CADM2: variants seen among roughly 807,000 people sequenced by gnomAD.
The protein encoded by CADM2 is cell adhesion molecule 2.
Under a neutral mutation model 49.8 loss-of-function variants are expected in CADM2, and 12 were observed. The ratio of observed to expected loss-of-function variants is 0.24; its 90% CI spans 0.15 to 0.39. The LOEUF is 0.39. Among genes scored for constraint, CADM2 ranks in the 10% least tolerant of loss-of-function variants. The probability of loss-of-function intolerance (pLI) is 1.00; values close to 1 mark genes in which losing one functional copy is unlikely to be tolerated. For synonymous variants in CADM2, 214 were observed against 175.4 expected (o/e 1.22, Z -1.74); for missense variants, 378 against 492.3 (o/e 0.77, Z 2.20).
At chr3:85,413,718 A>G (rs1323423313) in intron 1 of CADM2, among the ~76,000 whole-genome samples, 1 of 152,166 alleles carries the variant, frequency 6.6e-6, no homozygotes, top group Non-Finnish European at 1.5e-5. Context: ...CTCACGATCC[A>G]ATCACCTTCC....
At chr3:85,528,824 C>T (rs1164181471) in intron 1 of CADM2, among the ~76,000 whole-genome samples, 1 of 152,088 alleles carries the variant, frequency 6.6e-6, no homozygotes, top group Non-Finnish European at 1.5e-5. Context: ...CTTTCTTATC[C>T]AAAATCTTCT....
rs79877644 is a variant in CADM2 at position 85,740,948 on chromosome 3, C to A, written c.88+14400C>A. Among the ~76,000 whole-genome samples, 44 of 152,252 alleles carry A rather than the reference C, an allele frequency of 2.9e-4. 2 individuals are homozygous for A. The East Asian group carries it at 8.5e-3, about 29-fold the overall frequency. On this transcript the variant is annotated intron_variant, in intron 2 of 9. Transcript: ENST00000383699. Reference sequence around the variant, plus strand: ...TCTAGCAGCTTTATCCAGAATAGTCCAAATAAGCCTAGGTAATCCTAGTTC... The same window carrying A: ...TCTAGCAGCTTTATCCAGAATAGTCAAAATAAGCCTAGGTAATCCTAGTTC...
At chr3:85,590,603 GT>G (rs1157009924) in intron 1 of CADM2, among the ~76,000 whole-genome samples, 1 of 151,892 alleles carries the variant, frequency 6.6e-6, no homozygotes, top group African/African-American at 2.4e-5. Context: ...GAGAATGAAT[GT>G]TTTTGAACTG....
intron 5 of CADM2, among the ~76,000 whole-genome samples, chr3:85,902,954 A>G (rs1716317439): frequency 6.6e-6 from 1 of 151,928 alleles, no homozygotes; most frequent in African/African-American, 2.4e-5. Flanking sequence ...TCTTTAATAA[A>G]GCTGAGAAAA....
chr3:86,062,314 A>AT (rs1738756493), intron 8 of CADM2, among the ~76,000 whole-genome samples: 1 of 152,164 alleles, frequency 6.6e-6, no homozygotes, highest in Admixed American at 6.6e-5. Context: ...TGACAGGTTT[A>AT]TTTTTTCCTC....
At chr3:85,847,629 C>T (rs539496453) in intron 3 of CADM2, among the ~76,000 whole-genome samples, 91 of 152,102 alleles carry the variant, frequency 6.0e-4, no homozygotes, top group African/African-American at 2.1e-3. Context: ...CTTTAGAGTA[C>T]CTATTAGCAC....
At chr3:85,622,335 T>G (rs2064000870) in intron 1 of CADM2, among the ~76,000 whole-genome samples, 1 of 152,188 alleles carries the variant, frequency 6.6e-6, no homozygotes, top group Non-Finnish European at 1.5e-5. Context: ...AATCCTGTTT[T>G]CTACACTACA....
chr3:85,568,469 C>CTTTCTTTCTCTT lies in CADM2; in HGVS notation c.62-158052_62-158051insTTCTTTCTCTTT, dbSNP rs374134738. Among the ~76,000 whole-genome samples the CTTTCTTTCTCTT allele has an allele frequency of 2.3e-3, 26 of 11,142 alleles. 1 individual carries two copies. Among genetic ancestry groups the CTTTCTTTCTCTT allele is most frequent in the Admixed American group, 3.4e-3 (3 of 894 alleles). The allele number at this position is 11,142 out of a possible 152,430, so 7.3% of individuals were successfully genotyped here. On this transcript the variant is annotated intron_variant, in intron 1 of 9. Coordinates refer to ENST00000383699, the MANE Select transcript of CADM2 (RefSeq NM_001167675.2). ...TTTCTTTCTTTCTTTCTTTCTCTTT[C>CTTTCTTTCTCTT]TCTCTCTTTCTTTCTTTCTTTCTTT...
intron 8 of CADM2, among the ~76,000 whole-genome samples, chr3:85,981,635 G>T (rs183721005): frequency 6.6e-6 from 1 of 151,686 alleles, no homozygotes; most frequent in East Asian, 1.9e-4. Flanking sequence ...ACATTAATTT[G>T]CTTAGAATAA....
chr3:85,949,705 T>G (rs1723178890), intron 7 of CADM2, among the ~76,000 whole-genome samples: 1 of 151,222 alleles, frequency 6.6e-6, no homozygotes, highest in African/African-American at 2.4e-5. Context: ...TTTACTATTA[T>G]TTTCTGAAGA....
At chr3:85,271,570 T>C (rs909312571) in intron 1 of CADM2, among the ~76,000 whole-genome samples, 1 of 151,190 alleles carries the variant, frequency 6.6e-6, no homozygotes, top group Non-Finnish European at 1.5e-5. Context: ...AAGGTCATGA[T>C]GCTTTATAAT....
intron 1 of CADM2, among the ~76,000 whole-genome samples, chr3:85,342,649 CCTT>C (rs67033670): frequency 0.26 from 39,750 of 151,814 alleles, 5,715 homozygotes; most frequent in Non-Finnish European, 0.32. Flanking sequence ...CTTTGACCCT[CCTT>C]GTGTTTGGAC....
At chr3:85,961,447 C>T in intron 7 of CADM2, 22 bp from the exon 8 acceptor site, 1 of 1,542,322 alleles carries the variant, frequency 6.5e-7, no homozygotes. Context: ...TTGCTATCTA[C>T]ATGCATGTTT....
chr3:85,415,818 G>A (rs2035896123), intron 1 of CADM2, among the ~76,000 whole-genome samples: 1 of 152,110 alleles, frequency 6.6e-6, no homozygotes, highest in Admixed American at 6.5e-5. Flanking sequence ...TTGTAAGGGA[G>A]AGTTGTGTTG....
At chr3:84,990,651 A>C (rs1289862985) in intron 1 of CADM2, among the ~76,000 whole-genome samples, 1 of 152,064 alleles carries the variant, frequency 6.6e-6, no homozygotes, top group Non-Finnish European at 1.5e-5. Context: ...GTATGTATTC[A>C]ATGAAAACGA....
Position 85,962,982 on chromosome 3 carries a change from G to A in CADM2, c.970+1335G>A, listed in dbSNP as rs187152668. ...ATACCTTTCCAAAAAGAAATTTGGGGGTCTAGTATATTTCTTTGTAAAGAG... is the reference window on the plus strand; with the variant it reads ...ATACCTTTCCAAAAAGAAATTTGGGAGTCTAGTATATTTCTTTGTAAAGAG... On this transcript the variant is annotated intron_variant, in intron 8 of 9. Coordinates refer to ENST00000383699, the MANE Select transcript of CADM2 (RefSeq NM_001167675.2). Among the ~76,000 whole-genome samples the A allele has an allele frequency of 5.4e-3, 818 of 151,838 alleles. 3 individuals carry two copies. Among genetic ancestry groups the A allele is most frequent in the Non-Finnish European group, 8.6e-3 (585 of 67,884 alleles).
chr3:85,020,048 A>C (rs945628032), intron 1 of CADM2, among the ~76,000 whole-genome samples: 2 of 152,204 alleles, frequency 1.3e-5, no homozygotes, highest in Non-Finnish European at 2.9e-5. Context: ...AGTGTGTACA[A>C]ATGTGATTAT....
chr3:85,523,941 G>C (rs1296486852), intron 1 of CADM2, among the ~76,000 whole-genome samples: 2 of 152,024 alleles, frequency 1.3e-5, no homozygotes, highest in Non-Finnish European at 2.9e-5. Flanking sequence ...ATCATTCATT[G>C]GTTGTCTAAA....
chr3:85,868,085 G>A (rs1002349635), intron 3 of CADM2, among the ~76,000 whole-genome samples: 1 of 151,906 alleles, frequency 6.6e-6, no homozygotes, highest in African/African-American at 2.4e-5. Context: ...ATAGATAGAT[G>A]TAATTAACTT....
Sources: allele counts gnomAD v4.1 joint callset (sites outside exome capture counted in the v4.1 genomes callset), GRCh38; gene constraint gnomAD v4.1.1; transcripts MANE v1.5; gene names NCBI Gene and HGNC (gene_info 2026-07-23, HGNC 2026-07-21).